Variants in NRROS observed in about 807,000 individuals in gnomAD.
NRROS encodes the protein negative regulator of reactive oxygen species, also known as transforming growth factor beta activator LRRC33.
In NRROS, 6 loss-of-function variants were observed where a neutral mutation model predicts 12.0. That is an observed-to-expected ratio of 0.50 (90% confidence interval 0.27 to 0.98). The LOEUF (loss-of-function observed/expected upper bound fraction) is 0.98. Ranked by LOEUF, NRROS falls within the 50% of genes least tolerant of loss-of-function variation. The pLI is 0.11. For synonymous variants in NRROS, 462 were observed against 410.2 expected, an observed-to-expected ratio of 1.13 and a Z score of -1.53; for missense variants, 857 against 888.2, an observed-to-expected ratio of 0.96 and a Z score of 0.45.
chr3:196,646,009 C>A (rs1294253686), intron 1 of NRROS, among the ~76,000 whole-genome samples: 1 of 152,258 alleles, frequency 6.6e-6, no homozygotes, highest in Non-Finnish European at 1.5e-5. Flanking sequence ...GGGGGCGTGT[C>A]CTCCTGCAGG....
chr3:196,644,969 G>A (rs1406451492), intron 1 of NRROS, among the ~76,000 whole-genome samples: 1 of 151,744 alleles, frequency 6.6e-6, no homozygotes, highest in Non-Finnish European at 1.5e-5. Flanking sequence ...TAAAAAAAAA[G>A]GAGAAAGAAA....
chr3:196,656,644 T>C (rs1164880023), intron 2 of NRROS, among the ~76,000 whole-genome samples: 1 of 152,182 alleles, frequency 6.6e-6, no homozygotes, highest in African/African-American at 2.4e-5. Flanking sequence ...AGCATTCTCT[T>C]ACAGAGGCAA....
rs1011179008 is a variant in NRROS at position 196,659,904 on chromosome 3, C to T, written c.261C>T (p.Ser87=). The T allele has an allele frequency of 3.7e-6, 6 of 1,614,146 alleles. No individual in the cohort carries two copies. Among genetic ancestry groups the T allele is most frequent in the Non-Finnish European group, 5.1e-6 (6 of 1,180,006 alleles). The change falls in exon 3 of 3, where the codon AGC becomes AGT. Residue 87 remains serine (S), a synonymous_variant. Transcript: ENST00000328557. The part of the protein sequence containing the change: ...LQPYPLLESL[S]LHSCHLERIS... ...CTTACCCTCTCCTGGAGAGCCTCAG[C>T]CTGCACAGCTGCCACCTGGAGCGCA...
intron 2 of NRROS, among the ~76,000 whole-genome samples, chr3:196,656,240 A>G (rs1252048723): frequency 6.6e-6 from 1 of 152,258 alleles, no homozygotes; most frequent in Admixed American, 6.5e-5. Context: ...GGCGTTGGGA[A>G]GACAAATTGG....
At chr3:196,647,637 C>T (rs1380419229) in intron 1 of NRROS, among the ~76,000 whole-genome samples, 1 of 152,232 alleles carries the variant, frequency 6.6e-6, no homozygotes, top group East Asian at 1.9e-4. Context: ...CGGCTCACTG[C>T]AACCTCTGCC....
Position 196,661,229 on chromosome 3 carries a change from C to G in NRROS, c.1586C>G (p.Ala529Gly). 6.2e-7 allele frequency: 1 copy of G among 1,613,970 alleles called. No homozygotes were observed. The highest frequency in any genetic ancestry group is 8.5e-7 in the Non-Finnish European group (1 of 1,179,970). The change falls in exon 3 of 3, where the codon GCG becomes GGG. Residue 529 changes from alanine to glycine, a missense_variant. Transcript: ENST00000328557. Reference protein sequence around the residue: ...RNMGLHSSFMALDFSGFGNLR... With the variant: ...RNMGLHSSFMGLDFSGFGNLR... Reference sequence around the variant, plus strand: ...ATGGGCCTCCACTCCAGCTTTATGGCGTTGGACTTCTCTGGGTTTGGGAAT... The same window carrying G: ...ATGGGCCTCCACTCCAGCTTTATGGGGTTGGACTTCTCTGGGTTTGGGAAT...
intron 1 of NRROS, among the ~76,000 whole-genome samples, chr3:196,647,933 C>G (rs1355762120): frequency 6.6e-6 from 1 of 152,206 alleles, no homozygotes; most frequent in Non-Finnish European, 1.5e-5. Context: ...AACCCCTGAT[C>G]TCAGGTGATC....
At chr3:196,649,663 G>C (rs1264223851) in intron 1 of NRROS, among the ~76,000 whole-genome samples, 2 of 152,112 alleles carry the variant, frequency 1.3e-5, no homozygotes, top group African/African-American at 4.8e-5. Context: ...AGTAGAGACG[G>C]GGTTTCACTG....
chr3:196,652,707 C>A (rs1290663216), intron 1 of NRROS, among the ~76,000 whole-genome samples: 1 of 152,188 alleles, frequency 6.6e-6, no homozygotes, highest in Non-Finnish European at 1.5e-5. Flanking sequence ...GACACAAGGC[C>A]TGGCTTGCCT....
rs1341224431 is a variant in NRROS at position 196,660,182 on chromosome 3, T to C, written c.539T>C (p.Leu180Pro). 1 of 1,613,104 alleles carries C rather than the reference T, an allele frequency of 6.2e-7. No homozygotes were observed. The highest frequency in any genetic ancestry group is 8.5e-7 in the Non-Finnish European group (1 of 1,180,014). Residue 180 changes from leucine (L) to proline (P), a missense_variant, in exon 3 of 3, where the codon CTG becomes CCG. Coordinates refer to ENST00000328557, the MANE Select transcript of NRROS (RefSeq NM_198565.3). This position sits in a 1 kb window ranked among gnomAD's most constrained non-coding sequence, Gnocchi z 7.7. ...MRLDDSVFEGLERLRELDLQR... is the reference protein window; with the variant it reads ...MRLDDSVFEGPERLRELDLQR... ...CTGGACGACTCCGTCTTCGAGGGCC[T>C]GGAGCGTCTCCGGGAGCTGGATCTG...
chr3:196,644,569 G>A (rs1737269390), intron 1 of NRROS, among the ~76,000 whole-genome samples: 1 of 150,766 alleles, frequency 6.6e-6, no homozygotes, highest in South Asian at 2.1e-4. Context: ...GACCAGTCTG[G>A]CCAACATGGT....
rs1208891582 is a variant in NRROS at position 196,661,025 on chromosome 3, T to A, written c.1382T>A (p.Met461Lys). The change falls in exon 3 of 3, where the codon ATG becomes AAG. Residue 461 changes from methionine to lysine, a missense_variant. Met to Lys is a moderately conservative substitution (Grantham distance 95). Transcript: ENST00000328557. ...CCTAGCTGTGTGGATTTCAGGAATATGGCATCTTTAAGGAGCCTGTCTCTG... is the reference window on the plus strand; with the variant it reads ...CCTAGCTGTGTGGATTTCAGGAATAAGGCATCTTTAAGGAGCCTGTCTCTG... ...GPPSCVDFRN[M>K]ASLRSLSLEG... 1 of 1,614,136 alleles carries A rather than the reference T, an allele frequency of 6.2e-7. No individual in the cohort carries two copies. The highest frequency in any genetic ancestry group is 8.5e-7 in the Non-Finnish European group (1 of 1,180,022).
intron 2 of NRROS, among the ~76,000 whole-genome samples, chr3:196,658,392 GTATC>G (rs765430180): frequency 3.9e-5 from 6 of 152,298 alleles, no homozygotes; most frequent in Non-Finnish European, 8.8e-5. Flanking sequence ...TGTCAATACA[GTATC>G]AATGTTTAAT....
rs897496105 is a variant in NRROS, at chr3:196,661,165, G to A, written c.1522G>A (p.Asp508Asn). 7 of 1,612,522 alleles carry A rather than the reference G, an allele frequency of 4.3e-6. No individual in the cohort carries two copies. The African/African-American group carries it at 9.3e-5, about 22-fold the overall frequency. ...GAATGGGAGCCTCGCCCCACTCCAG[G>A]ATGTTGCCCCCATGTTACAGGTCCT... ...VLNGSLAPLQ[D>N]VAPMLQVLSL... Residue 508 changes from aspartate to asparagine, a missense_variant, in exon 3 of 3, where the codon GAT becomes AAT. Asp to Asn is a conservative substitution (Grantham distance 23, BLOSUM62 1). Coordinates refer to ENST00000328557, the MANE Select transcript of NRROS (RefSeq NM_198565.3).
At chr3:196,643,070 T>C (rs1737239145) in intron 1 of NRROS, among the ~76,000 whole-genome samples, 2 of 88,488 alleles carry the variant, frequency 2.3e-5, no homozygotes, top group South Asian at 6.2e-4. Flanking sequence ...CAAAATTCTG[T>C]CTCAAAAAAA....
At chr3:196,646,249 G>A (rs1220181200) in intron 1 of NRROS, among the ~76,000 whole-genome samples, 1 of 152,252 alleles carries the variant, frequency 6.6e-6, no homozygotes, top group Non-Finnish European at 1.5e-5. Context: ...GGTCCCACCT[G>A]CTCCTTCTTA....
Position 196,660,624 on chromosome 3 carries a change from C to G in NRROS, c.981C>G (p.Leu327=), listed in dbSNP as rs768233836. 5.6e-6 allele frequency: 9 copies of G among 1,614,096 alleles called. No homozygotes were observed. In the Admixed American group the frequency reaches 1.5e-4, roughly 27 times the overall value. Reference sequence around the variant, plus strand: ...GGGAAGAATTCTCCTCCAGCGACCTCGCAGATCTCCGCTTCCTGGACATGA... The same window carrying G: ...GGGAAGAATTCTCCTCCAGCGACCTGGCAGATCTCCGCTTCCTGGACATGA... ...SLWEEFSSSD[L]ADLRFLDMSQ... Residue 327 remains leucine (L), a synonymous_variant, in exon 3 of 3, where the codon CTC becomes CTG. Coordinates refer to ENST00000328557, the MANE Select transcript of NRROS (RefSeq NM_198565.3). This position sits in a 1 kb window ranked among gnomAD's most constrained non-coding sequence, Gnocchi z 7.7.
chr3:196,660,931 A>G lies in NRROS; in HGVS notation c.1288A>G (p.Thr430Ala). ...GLFANARNIT[T>A]LDMSHNQISL... ...CTTCGCCAATGCTAGGAACATCACT[A>G]CACTTGACATGAGCCACAATCAGAT... is the stretch of plus-strand genomic sequence containing the variant. Residue 430 changes from threonine to alanine, a missense_variant, in exon 3 of 3, where the codon ACA (threonine) becomes GCA (alanine). Transcript: ENST00000328557. The surrounding 1 kb of genome is among the most constrained non-coding windows in gnomAD (Gnocchi z 7.7). The G allele has an allele frequency of 6.2e-7, 1 of 1,614,060 alleles. No homozygotes were observed. The highest frequency in any genetic ancestry group is 8.5e-7 in the Non-Finnish European group (1 of 1,180,020).
Position 196,660,566 on chromosome 3 carries a change from G to T in NRROS, c.923G>T (p.Gly308Val). The T allele has an allele frequency of 6.2e-7, 1 of 1,614,076 alleles. No homozygotes were observed. Among genetic ancestry groups the T allele is most frequent in the Non-Finnish European group, 8.5e-7 (1 of 1,180,012 alleles). ...GTGGCCCAGTTCCTCCTCGTGGACGGCAACGTGACCAACATCACCACCGTC... is the reference window on the plus strand; with the variant it reads ...GTGGCCCAGTTCCTCCTCGTGGACGTCAACGTGACCAACATCACCACCGTC... ...EMVAQFLLVDGNVTNITTVSL... is the reference protein window; with the variant it reads ...EMVAQFLLVDVNVTNITTVSL... Residue 308 changes from glycine to valine, a missense_variant, in exon 3 of 3, where the codon GGC (glycine) becomes GTC (valine). Physicochemically the swap from Gly to Val is moderately radical, Grantham distance 109. Transcript: ENST00000328557. This position sits in a 1 kb window ranked among gnomAD's most constrained non-coding sequence, Gnocchi z 7.7.
Sources: gnomAD v4.1 joint callset for allele counts (sites outside exome capture counted in the v4.1 genomes callset) on GRCh38, gnomAD v4.1.1 for gene constraint, Gnocchi (gnomAD v3.1) non-coding constraint, MANE v1.5 for transcripts, NCBI Gene and HGNC (gene_info 2026-07-23, HGNC 2026-07-21) for gene names.